The following BCAP29 variants were observed in gnomAD, a reference collection of about 807,000 sequenced individuals.
The protein encoded by BCAP29 is B cell receptor associated protein 29.
Under a neutral mutation model 31.8 loss-of-function variants are expected in BCAP29, and 34 were observed. The ratio of observed to expected loss-of-function variants is 1.07; its 90% CI spans 0.81 to 1.42. BCAP29 has a LOEUF of 1.42. BCAP29 is among the 40% of genes most tolerant of loss of function. The pLI is 0.00. For synonymous variants in BCAP29, 104 were observed against 91.3 expected (o/e 1.14, Z -0.79); for missense variants, 314 against 269.2 (o/e 1.17, Z -1.16).
At chr7:107,613,631 A>G (rs770622262) in intron 7 of BCAP29, 199 bp downstream of exon 7, 2 of 1,595,322 alleles carry the variant, frequency 1.3e-6, no homozygotes, top group South Asian at 1.1e-5. Flanking sequence ...ATTTTAAGGA[A>G]TTGCTGACTT....
At chr7:107,621,648 C>G (rs147280763), downstream of BCAP29, 1 of 467,448 alleles carries the variant, frequency 2.1e-6, no homozygotes, top group Non-Finnish European at 4.4e-6. Flanking sequence ...GGAGATATTA[C>G]CACACAGAAG....
chr7:107,580,594 C>T lies in BCAP29; in HGVS notation c.-14-165C>T, dbSNP rs566312217. 5.5e-4 allele frequency: 292 copies of T among 535,656 alleles called. No individual in the cohort carries two copies. The Admixed American group carries it at 0.01, about 19-fold the overall frequency. The allele number at this position is 535,656 out of a possible 1,614,324, so 33.2% of individuals were successfully genotyped here. A position where few individuals can be genotyped will look rare whatever the true frequency, so the allele number is the denominator to read the frequency against. ...CCCAGGGAGGTGGCGACACCCGCTT[C>T]CCGGGCCACCCTTTTCCCCTTCCTG... On this transcript the variant is annotated intron_variant, in intron 1 of 7. Coordinates refer to ENST00000005259, the MANE Select transcript of BCAP29 (RefSeq NM_018844.4).
At chr7:107,602,141 G>A (rs532516042) in intron 6 of BCAP29, among the ~76,000 whole-genome samples, 6 of 152,296 alleles carry the variant, frequency 3.9e-5, no homozygotes, top group African/African-American at 1.4e-4. Flanking sequence ...AGTATAGACT[G>A]CAGAGCTACT....
At chr7:107,587,360 C>T (rs918309741) in intron 3 of BCAP29, 13 of 152,182 alleles carry the variant, frequency 8.5e-5, no homozygotes, top group African/African-American at 3.1e-4. Flanking sequence ...GGTATGTTTA[C>T]ATGACCATTG....
intron 6 of BCAP29, among the ~76,000 whole-genome samples, chr7:107,601,523 T>A (rs1322988948): frequency 6.6e-6 from 1 of 152,176 alleles, no homozygotes; most frequent in Non-Finnish European, 1.5e-5. Context: ...AAATTACCCT[T>A]ATAGACAAAG....
chr7:107,581,241 C>T (rs1169100587), intron 2 of BCAP29, among the ~76,000 whole-genome samples: 2 of 152,174 alleles, frequency 1.3e-5, no homozygotes, highest in Non-Finnish European at 2.9e-5. Flanking sequence ...GTTTACAGTA[C>T]AGCATGGGTG....
chr7:107,618,499 T>A lies in BCAP29; in HGVS notation c.*136T>A. ...TTAATGCCACACATAGGTTGTATTG[T>A]AATGGCATTATCAAAATATTTGATG... On this transcript the variant is annotated 3_prime_UTR_variant, in exon 8 of 8. Transcript: ENST00000005259. 1.2e-6 allele frequency: 2 copies of A among 1,612,010 alleles called. No homozygotes were observed. Among genetic ancestry groups the A allele is most frequent in the Non-Finnish European group, 1.7e-6 (2 of 1,178,364 alleles).
downstream of BCAP29, chr7:107,621,945 C>G: frequency 1.9e-6 from 1 of 525,166 alleles, no homozygotes; most frequent in Non-Finnish European, 3.9e-6. Flanking sequence ...CTGTAATGGC[C>G]TGAACTGAAT....
In BCAP29 at chr7:107,612,427, A is replaced by ATT. The variant is rs1308839744; in HGVS notation, c.590-904_590-903insTT. ...TATATATATATATATATATATATAT[A>ATT]TATATATATATATTTATTTTACTTC... On this transcript the variant is annotated intron_variant, in intron 6 of 7. Coordinates refer to ENST00000005259, the MANE Select transcript of BCAP29 (RefSeq NM_018844.4). Among the ~76,000 whole-genome samples, 145 of 34,946 alleles carry ATT rather than the reference A, an allele frequency of 4.1e-3. 6 individuals are homozygous for ATT. The highest frequency in any genetic ancestry group is 0.011 in the African/African-American group (134 of 12,340). 22.9% of individuals were successfully genotyped at this position (34,946 alleles called of 152,430 possible).
intron 3 of BCAP29, among the ~76,000 whole-genome samples, chr7:107,590,976 A>G (rs947508772): frequency 4.6e-5 from 7 of 152,240 alleles, no homozygotes; most frequent in African/African-American, 1.4e-4. Context: ...TTTCTATACT[A>G]TAAGCAGTAA....
At chr7:107,598,506 C>G (rs961058035) in intron 5 of BCAP29, among the ~76,000 whole-genome samples, 1 of 152,034 alleles carries the variant, frequency 6.6e-6, no homozygotes, top group Admixed American at 6.6e-5. Context: ...TGGTCTTGTG[C>G]TACAGTTTTT....
intron 3 of BCAP29, among the ~76,000 whole-genome samples, chr7:107,589,580 C>T (rs1354333738): frequency 2.0e-5 from 3 of 152,210 alleles, no homozygotes; most frequent in African/African-American, 4.8e-5. Flanking sequence ...AAGCTTTGCT[C>T]ACTGGCCTGC....
chr7:107,617,549 A>G (rs1442374593), intron 7 of BCAP29, among the ~76,000 whole-genome samples: 1 of 152,190 alleles, frequency 6.6e-6, no homozygotes, highest in East Asian at 1.9e-4. Context: ...TTTAAATTTC[A>G]TTTTGGAAAA....
intron 4 of BCAP29, among the ~76,000 whole-genome samples, chr7:107,595,107 T>C (rs1809580820): frequency 6.6e-6 from 1 of 152,222 alleles, no homozygotes; most frequent in South Asian, 2.1e-4. Context: ...AACACTCTTT[T>C]CTTTCCTCAT....
chr7:107,594,527 A>C (rs1425932934), intron 4 of BCAP29, among the ~76,000 whole-genome samples: 1 of 117,102 alleles, frequency 8.5e-6, no homozygotes, highest in African/African-American at 3.3e-5. Context: ...TTTAAGATGG[A>C]GTCTCGCTTT....
intron 7 of BCAP29, 32 bp from the exon 8 acceptor site, chr7:107,618,296 G>A (rs777790092): frequency 4.0e-6 from 6 of 1,486,380 alleles, no homozygotes; most frequent in Non-Finnish European, 4.5e-6. Flanking sequence ...TCTCTTTGCT[G>A]TACTACATAA....
At chr7:107,599,326 A>AT (rs1563134342) in intron 5 of BCAP29, among the ~76,000 whole-genome samples, 2 of 108,812 alleles carry the variant, frequency 1.8e-5, no homozygotes, top group African/African-American at 6.6e-5. Flanking sequence ...TATATATATA[A>AT]ATATATATAT....
At chr7:107,607,727 C>G (rs1186843309) in intron 6 of BCAP29, among the ~76,000 whole-genome samples, 1 of 151,566 alleles carries the variant, frequency 6.6e-6, no homozygotes, top group African/African-American at 2.4e-5. Context: ...ACCTCCGCCC[C>G]CCAGGTCCCG....
chr7:107,597,079 C>T (rs1383464363), intron 5 of BCAP29, among the ~76,000 whole-genome samples: 2 of 152,182 alleles, frequency 1.3e-5, no homozygotes, highest in African/African-American at 2.4e-5. Context: ...ATAAAAGCAG[C>T]TGTCAGTGCC....
Sources: gnomAD v4.1 joint callset for allele counts (sites outside exome capture counted in the v4.1 genomes callset) on GRCh38, gnomAD v4.1.1 for gene constraint, MANE v1.5 for transcripts, NCBI Gene and HGNC (gene_info 2026-07-23, HGNC 2026-07-21) for gene names.